ERAP1: variants seen among roughly 807,000 people sequenced by gnomAD.
ERAP1 encodes the protein adipocyte-derived leucine aminopeptidase.
A neutral mutation model predicts 103.7 loss-of-function variants in ERAP1; 86 were observed. The ratio of observed to expected loss-of-function variants is 0.83; its 90% CI spans 0.70 to 0.99. The LOEUF is 0.99. Ranked by LOEUF, ERAP1 falls within the 50% of genes least tolerant of loss-of-function variation. ERAP1 has a pLI of 0.00. For synonymous variants in ERAP1, 398 were observed against 402.4 expected (o/e 0.99, Z 0.13); for missense variants, 1,009 against 1,128.4 (o/e 0.89, Z 1.52).
the ERAP1 span, among the ~76,000 whole-genome samples, chr5:96,906,941 T>A: frequency 6.6e-6 from 1 of 152,148 alleles, no homozygotes; most frequent in Admixed American, 6.5e-5. Flanking sequence ...GGCAGGAGAA[T>A]CGCTTGAACC....
chr5:96,767,940 C>T lies in ERAP1; in HGVS notation c.2819-4712G>A, dbSNP rs572539750. On this transcript the variant is annotated intron_variant, in intron 19 of 19. Coordinates refer to the ERAP1 transcript ENST00000296754. ...AGATGACCAAGACCCCATTGATGCTCTCTCAGGAGATCTGGACAGCTGTCC... is the reference window on the plus strand; with the variant it reads ...AGATGACCAAGACCCCATTGATGCTTTCTCAGGAGATCTGGACAGCTGTCC... 5 of 1,613,620 alleles carry T rather than the reference C, an allele frequency of 3.1e-6. No individual in the cohort carries two copies. The African/African-American group carries it at 4.0e-5, about 13-fold the overall frequency.
upstream of ERAP1, chr5:96,807,978 G>T (rs544333468): frequency 2.0e-6 from 2 of 985,676 alleles, no homozygotes; most frequent in East Asian, 2.3e-4. Flanking sequence ...GGCGCTGAGC[G>T]GCGCTTCGGC....
At chr5:96,780,961 C>G (rs1158963240) in intron 17 of ERAP1, 97 bp downstream of exon 17, 1 of 1,429,644 alleles carries the variant, frequency 7.0e-7, no homozygotes, top group Middle Eastern at 1.8e-4. Flanking sequence ...TCAAAAAGTA[C>G]CTTTAGACTG....
chr5:96,925,911 C>CTT, the ERAP1 span, among the ~76,000 whole-genome samples: 2,840 of 105,608 alleles, frequency 0.027, 160 homozygotes, highest in African/African-American at 0.035. Flanking sequence ...GTATAATTTG[C>CTT]TTTTTTTTTT....
the ERAP1 span, among the ~76,000 whole-genome samples, chr5:96,843,520 G>C: frequency 6.6e-6 from 1 of 152,200 alleles, no homozygotes; most frequent in Non-Finnish European, 1.5e-5. Context: ...CACAGAAGTG[G>C]GGAGGTTGCA....
At chr5:96,921,286 C>T in the ERAP1 span, among the ~76,000 whole-genome samples, 1 of 152,248 alleles carries the variant, frequency 6.6e-6, no homozygotes, top group Non-Finnish European at 1.5e-5. Flanking sequence ...CTTTCCAGGT[C>T]ATCAATGCAT....
In ERAP1 at chr5:96,794,949, G is replaced by T. The variant is rs1014439676; in HGVS notation, c.919+93C>A. 5.8e-5 allele frequency: 86 copies of T among 1,481,774 alleles called. No individual in the cohort carries two copies. The Middle Eastern group carries it at 8.4e-4, about 15-fold the overall frequency. 91.8% of individuals were successfully genotyped at this position (1,481,774 alleles called of 1,614,324 possible). A position where few individuals can be genotyped will look rare whatever the true frequency, so the allele number is the denominator to read the frequency against. On this transcript the variant is annotated intron_variant, in intron 5 of 18. Coordinates refer to ENST00000443439, the MANE Select transcript of ERAP1 (RefSeq NM_001040458.3). ...TGGGGTTTTTGTGGCTTGAGGGGCTGCTGAGGCAACTACAGGGATGTGCCA... is the reference window on the plus strand; with the variant it reads ...TGGGGTTTTTGTGGCTTGAGGGGCTTCTGAGGCAACTACAGGGATGTGCCA...
chr5:96,901,685 G>T, the ERAP1 span: 1 of 1,612,918 alleles, frequency 6.2e-7, no homozygotes, highest in Non-Finnish European at 8.5e-7. Context: ...AGGAGAGGTG[G>T]CTGCTTTTCT....
chr5:96,874,180 A>AAGAG, the ERAP1 span, among the ~76,000 whole-genome samples: 50 of 82,318 alleles, frequency 6.1e-4, no homozygotes, highest in African/African-American at 2.5e-3. Flanking sequence ...GAAAGAAAGA[A>AAGAG]AGAGAGAGAG....
At chr5:96,895,351 C>A in the ERAP1 span, 2 of 1,603,200 alleles carry the variant, frequency 1.2e-6, no homozygotes, top group Non-Finnish European at 1.7e-6. Context: ...ATATCCAGAG[C>A]TGCAATTTGT....
chr5:96,806,621 C>CTTTT (rs1778621806), intron 1 of ERAP1, among the ~76,000 whole-genome samples: 1 of 103,062 alleles, frequency 9.7e-6, no homozygotes, highest in Non-Finnish European at 2.0e-5. Flanking sequence ...ACCAAGATCC[C>CTTTT]TCTTTTTTTT....
At chr5:96,903,657 T>A in the ERAP1 span, 1 of 1,149,268 alleles carries the variant, frequency 8.7e-7, no homozygotes, top group Non-Finnish European at 1.2e-6. Context: ...GTCATTGATT[T>A]AATATGGATT....
At chr5:96,870,943 G>A in the ERAP1 span, among the ~76,000 whole-genome samples, 1 of 152,178 alleles carries the variant, frequency 6.6e-6, no homozygotes, top group African/African-American at 2.4e-5. Flanking sequence ...ACCAGGCTTT[G>A]TTCCCACTAA....
At chr5:96,881,378 G>A in the ERAP1 span, 3 of 455,522 alleles carry the variant, frequency 6.6e-6, no homozygotes, top group Non-Finnish European at 1.3e-5. Flanking sequence ...AAACAACAGA[G>A]ATTGCTGACA....
the ERAP1 span, chr5:96,895,486 G>T: frequency 1.4e-6 from 1 of 692,314 alleles, no homozygotes; most frequent in South Asian, 1.7e-5. Flanking sequence ...ATGGCATTTT[G>T]TTTGATACAC....
chr5:96,767,081 T>C (rs1250919119), intron 19 of ERAP1, among the ~76,000 whole-genome samples: 1 of 152,252 alleles, frequency 6.6e-6, no homozygotes, highest in Non-Finnish European at 1.5e-5. Flanking sequence ...GATGACTTTC[T>C]AAGTGTAATA....
the ERAP1 span, among the ~76,000 whole-genome samples, chr5:96,869,236 G>C: frequency 1.3e-5 from 2 of 152,002 alleles, no homozygotes; most frequent in African/African-American, 2.4e-5. Context: ...CAGAAAGCTA[G>C]GTGGTAAACT....
the ERAP1 span, among the ~76,000 whole-genome samples, chr5:96,914,148 T>TCTCTCACACACACA: frequency 1.4e-5 from 2 of 147,982 alleles, no homozygotes; most frequent in African/African-American, 5.0e-5. Context: ...TCTCTCTCTC[T>TCTCTCACACACACA]CACACACACA....
chr5:96,819,941 T>C, the ERAP1 span, among the ~76,000 whole-genome samples: 1 of 152,232 alleles, frequency 6.6e-6, no homozygotes, highest in African/African-American at 2.4e-5. Flanking sequence ...TTGGGTAGTT[T>C]ATAATTTTGC....
Sources: allele counts gnomAD v4.1 joint callset (sites outside exome capture counted in the v4.1 genomes callset), GRCh38; gene constraint gnomAD v4.1.1; transcripts MANE v1.5; gene names NCBI Gene and HGNC (gene_info 2026-07-23, HGNC 2026-07-21).